The following PTCHD4 variants were observed in gnomAD, a reference collection of about 807,000 sequenced individuals.
PTCHD4 encodes the protein patched domain containing 4, also known as patched domain-containing protein 4.
Under a neutral mutation model 58.1 loss-of-function variants are expected in PTCHD4, and 33 were observed. That is an observed-to-expected ratio of 0.57 (90% CI 0.43 to 0.76). The LOEUF is 0.76. Among genes scored for constraint, PTCHD4 ranks in the 30% least tolerant of loss-of-function variants. The probability of loss-of-function intolerance (pLI) is 0.00; values close to 1 mark genes in which losing one functional copy is unlikely to be tolerated. For synonymous variants in PTCHD4, 478 were observed against 409.6 expected (o/e 1.17, Z -2.02); for missense variants, 1,058 against 1,027.1 (o/e 1.03, Z -0.41).
At chr6:48,039,986 A>C (rs1416750612) in intron 3 of PTCHD4, among the ~76,000 whole-genome samples, 1 of 152,144 alleles carries the variant, frequency 6.6e-6, no homozygotes, top group South Asian at 2.1e-4. Context: ...AATAAGTCTG[A>C]GATGGGGCCC....
chr6:47,882,119 T>C, intron 4 of PTCHD4, among the ~76,000 whole-genome samples: 1 of 152,154 alleles, frequency 6.6e-6, no homozygotes, highest in Non-Finnish European at 1.5e-5. Flanking sequence ...AATACAATGT[T>C]AGAATAAGGG....
intron 4 of PTCHD4, among the ~76,000 whole-genome samples, chr6:47,883,954 C>T (rs534439234): frequency 5.8e-4 from 89 of 152,224 alleles, no homozygotes; most frequent in African/African-American, 2.1e-3. Flanking sequence ...GGATACATTT[C>T]CATGGAAAAT....
rs1762465911 is a variant in PTCHD4 at position 48,007,150 on chromosome 6, G to C, written c.898+1484C>G. ...AGCTACTCAGGAGGCTGAGGCAAGA[G>C]GATCATTTGAACCTGAGCAAGAGAG... On this transcript the variant is annotated intron_variant, in intron 4 of 4. Transcript: ENST00000339488. Among the ~76,000 whole-genome samples the C allele has an allele frequency of 2.6e-5, 4 of 152,136 alleles. No individual in the cohort carries two copies. The South Asian group carries it at 8.3e-4, about 31-fold the overall frequency.
At chr6:48,085,751 A>G (rs183526949) in intron 1 of PTCHD4, among the ~76,000 whole-genome samples, 88 of 152,158 alleles carry the variant, frequency 5.8e-4, no homozygotes, top group African/African-American at 2.1e-3. Context: ...TTTGTATTTC[A>G]TTTTTTGAAG....
At chr6:47,941,288 T>C (rs1766211932) in intron 4 of PTCHD4, among the ~76,000 whole-genome samples, 1 of 152,142 alleles carries the variant, frequency 6.6e-6, no homozygotes, top group South Asian at 2.1e-4. Context: ...CAGAAGTGAA[T>C]CTTGGAGTGT....
At chr6:47,903,359 C>A (rs1459705846) in intron 4 of PTCHD4, among the ~76,000 whole-genome samples, 1 of 151,978 alleles carries the variant, frequency 6.6e-6, no homozygotes, top group Non-Finnish European at 1.5e-5. Flanking sequence ...CTCTGTCACC[C>A]AGGCTGGAGT....
At chr6:48,105,326 A>C (rs1765695862) in intron 1 of PTCHD4, among the ~76,000 whole-genome samples, 1 of 152,000 alleles carries the variant, frequency 6.6e-6, no homozygotes, top group African/African-American at 2.4e-5. Flanking sequence ...CTACATGGAA[A>C]CTGAACAACC....
chr6:47,983,665 G>C (rs1767966420), intron 4 of PTCHD4, among the ~76,000 whole-genome samples: 1 of 152,078 alleles, frequency 6.6e-6, no homozygotes, highest in Non-Finnish European at 1.5e-5. Flanking sequence ...TACTTGGGGA[G>C]AATAAAGAAG....
chr6:47,881,499 A>G (rs1764020105), intron 4 of PTCHD4, among the ~76,000 whole-genome samples: 1 of 152,152 alleles, frequency 6.6e-6, no homozygotes, highest in East Asian at 1.9e-4. Flanking sequence ...CTGGGATGAG[A>G]TCTTGTCTGC....
rs79312205 is a variant in PTCHD4 at position 48,084,749 on chromosome 6, T to C, written c.-969-14823A>G. On this transcript the variant is annotated intron_variant, in intron 1 of 4. Transcript: ENST00000339488. ...TTTCTTTCTTTCTTTTTTTTTTTTT[T>C]TTGAGACAGAGTCTCGCTTGGTCTC... Among the ~76,000 whole-genome samples the C allele has an allele frequency of 2.8e-4, 43 of 150,946 alleles. No individual in the cohort carries two copies. In the South Asian group the frequency reaches 3.1e-3, roughly 11 times the overall value.
chr6:48,085,246 A>G (rs533440091), intron 1 of PTCHD4, among the ~76,000 whole-genome samples: 1 of 152,290 alleles, frequency 6.6e-6, no homozygotes, highest in South Asian at 2.1e-4. Flanking sequence ...ACATTTTTAC[A>G]AGCTTTGTAA....
In PTCHD4 at chr6:47,877,398, A is replaced by G. The variant is rs1763874810; in HGVS notation, c.*905T>C. Among the ~76,000 whole-genome samples the G allele has an allele frequency of 6.6e-6, 1 of 152,050 alleles. No individual in the cohort carries two copies. The highest frequency in any genetic ancestry group is 1.5e-5 in the Non-Finnish European group (1 of 67,982). ...TGAAAGCAGCCATATCAGTCTTCCA[A>G]ATACAGTAAAAGCCAACGAAAATCC... On this transcript the variant is annotated 3_prime_UTR_variant, in exon 5 of 5. Transcript: ENST00000339488.
intron 4 of PTCHD4, among the ~76,000 whole-genome samples, chr6:47,937,657 C>T (rs1235745354): frequency 6.6e-6 from 1 of 152,090 alleles, no homozygotes; most frequent in Non-Finnish European, 1.5e-5. Flanking sequence ...TTGGAGTTGT[C>T]AGCATATATT....
chr6:47,927,490 A>G (rs1765663042), intron 4 of PTCHD4, among the ~76,000 whole-genome samples: 1 of 152,176 alleles, frequency 6.6e-6, no homozygotes, highest in Non-Finnish European at 1.5e-5. Flanking sequence ...CACAATGAAG[A>G]ATGGGACAAA....
At chr6:48,005,127 C>CTGTATTCTCAAAG (rs199724153) in intron 4 of PTCHD4, among the ~76,000 whole-genome samples, 2,652 of 152,092 alleles carry the variant, frequency 0.017, 36 homozygotes, top group South Asian at 0.046. Flanking sequence ...GTATATATGC[C>CTGTATTCTCAAAG]TCTGAAATGA....
At chr6:48,097,588 T>G (rs1442654298) in intron 1 of PTCHD4, among the ~76,000 whole-genome samples, 3 of 152,196 alleles carry the variant, frequency 2.0e-5, no homozygotes, top group African/African-American at 7.2e-5. Context: ...AAAGTTCACT[T>G]TGGGTCTTTG....
intron 1 of PTCHD4, among the ~76,000 whole-genome samples, chr6:48,099,693 A>G (rs2113910924): frequency 6.6e-6 from 1 of 152,326 alleles, no homozygotes; most frequent in African/African-American, 2.4e-5. Flanking sequence ...TCAGTCTGTC[A>G]CTGCCTCACT....
rs1037208632 is a variant in PTCHD4 at position 47,999,728 on chromosome 6, T to C, written c.898+8906A>G. ...TGTTTTATCCTACTAAATTTTGTGG[T>C]GTTTGTCATAGATAACTAGAAATCT... On this transcript the variant is annotated intron_variant, in intron 4 of 4. Transcript: ENST00000339488. Among the ~76,000 whole-genome samples, 5 of 152,268 alleles carry C rather than the reference T, an allele frequency of 3.3e-5. No individual in the cohort carries two copies. The East Asian group carries it at 9.7e-4, about 29-fold the overall frequency.
intron 4 of PTCHD4, among the ~76,000 whole-genome samples, chr6:47,896,696 G>A (rs1764539089): frequency 6.6e-6 from 1 of 152,158 alleles, no homozygotes; most frequent in Admixed American, 6.5e-5. Flanking sequence ...TACAAAGGAA[G>A]GACCCACTAA....
Sources: gnomAD v4.1 joint callset for allele counts (sites outside exome capture counted in the v4.1 genomes callset) on GRCh38, gnomAD v4.1.1 for gene constraint, MANE v1.5 for transcripts, NCBI Gene and HGNC (gene_info 2026-07-23, HGNC 2026-07-21) for gene names.